Variants in RALGPS2 observed in about 807,000 individuals in gnomAD.
RALGPS2 encodes the protein ras-specific guanine nucleotide-releasing factor RalGPS2.
A neutral mutation model predicts 86.8 loss-of-function variants in RALGPS2; 43 were observed. The observed-to-expected ratio is 0.50, with a 90% CI of 0.39 to 0.64. The LOEUF (loss-of-function observed/expected upper bound fraction) is 0.64, where lower values mean the gene tolerates loss of function less well. Ranked by LOEUF, RALGPS2 falls within the 30% of genes least tolerant of loss-of-function variation. RALGPS2 has a pLI of 0.00. For synonymous variants in RALGPS2, 243 were observed against 231.3 expected (o/e 1.05, Z -0.46); for missense variants, 536 against 694.6 (o/e 0.77, Z 2.57).
chr1:178,839,219 C>CA (rs1414998059), intron 8 of RALGPS2, among the ~76,000 whole-genome samples: 1 of 152,064 alleles, frequency 6.6e-6, no homozygotes, highest in East Asian at 1.9e-4. Flanking sequence ...GCCAGATTCA[C>CA]CAAAGTTGAA....
intron 8 of RALGPS2, among the ~76,000 whole-genome samples, chr1:178,837,634 T>C (rs955040174): frequency 6.6e-6 from 1 of 152,164 alleles, no homozygotes; most frequent in Non-Finnish European, 1.5e-5. Flanking sequence ...GATTGATGCA[T>C]TTCCAACTGA....
chr1:178,865,796 A>G, intron 8 of RALGPS2: 1 of 1,534,830 alleles, frequency 6.5e-7, no homozygotes, highest in Non-Finnish European at 8.7e-7. Flanking sequence ...AGGTTGTAAA[A>G]TGATGTCTTT....
chr1:178,743,219 TAAAG>T (rs1274653334), intron 1 of RALGPS2, among the ~76,000 whole-genome samples: 1 of 151,716 alleles, frequency 6.6e-6, no homozygotes, highest in Non-Finnish European at 1.5e-5. Context: ...ACAGAATAAA[TAAAG>T]AAAAAAGAAT....
intron 8 of RALGPS2, among the ~76,000 whole-genome samples, chr1:178,840,815 G>A (rs1487700764): frequency 1.3e-5 from 2 of 152,104 alleles, no homozygotes; most frequent in Non-Finnish European, 2.9e-5. Context: ...TGATAAAGGG[G>A]ATATCACTAC....
intron 16 of RALGPS2, among the ~76,000 whole-genome samples, chr1:178,897,411 G>A (rs944994881): frequency 2.0e-5 from 3 of 152,082 alleles, no homozygotes; most frequent in African/African-American, 4.8e-5. Flanking sequence ...AGTTGAGTTT[G>A]CCTTTAGATA....
At chr1:178,796,312 A>G (rs1000823648) in intron 4 of RALGPS2, among the ~76,000 whole-genome samples, 1 of 152,290 alleles carries the variant, frequency 6.6e-6, no homozygotes, top group East Asian at 1.9e-4. Flanking sequence ...CCTAGGAGTT[A>G]GTTTTAAAGT....
At chr1:178,886,446 ATAGT>A (rs1659488206) in intron 13 of RALGPS2, among the ~76,000 whole-genome samples, 1 of 152,196 alleles carries the variant, frequency 6.6e-6, no homozygotes, top group South Asian at 2.1e-4. Flanking sequence ...AACAAGTATA[ATAGT>A]TAGATGATGA....
intron 4 of RALGPS2, among the ~76,000 whole-genome samples, chr1:178,789,777 G>A (rs1041876957): frequency 2.0e-5 from 3 of 152,142 alleles, no homozygotes; most frequent in African/African-American, 7.2e-5. Flanking sequence ...AGCTACATGA[G>A]GGCAGAGACT....
intron 7 of RALGPS2, among the ~76,000 whole-genome samples, chr1:178,823,046 G>A (rs770942480): frequency 2.6e-5 from 4 of 152,052 alleles, no homozygotes; most frequent in South Asian, 2.1e-4. Flanking sequence ...GTTTTCGAAC[G>A]CCTGATCTCA....
At chr1:178,745,812 T>C (rs956010259) in intron 1 of RALGPS2, among the ~76,000 whole-genome samples, 1 of 149,606 alleles carries the variant, frequency 6.7e-6, no homozygotes, top group Non-Finnish European at 1.5e-5. Flanking sequence ...CAAAAGAGAA[T>C]TCAATTCTTC....
At chr1:178,847,198 C>T (rs754558904) in intron 8 of RALGPS2, among the ~76,000 whole-genome samples, 1 of 152,238 alleles carries the variant, frequency 6.6e-6, no homozygotes, top group Non-Finnish European at 1.5e-5. Context: ...GTAATCCCAG[C>T]ACTTTGGGAG....
intron 5 of RALGPS2, among the ~76,000 whole-genome samples, chr1:178,809,225 A>G (rs1654870999): frequency 2.0e-5 from 3 of 151,856 alleles, no homozygotes; most frequent in African/African-American, 7.2e-5. Flanking sequence ...ATGCACTTGT[A>G]TGTTGTCTCC....
chr1:178,871,591 G>A (rs1658763272), intron 8 of RALGPS2, among the ~76,000 whole-genome samples: 1 of 152,190 alleles, frequency 6.6e-6, no homozygotes, highest in Non-Finnish European at 1.5e-5. Flanking sequence ...ATGTCTTACT[G>A]TGTAATGTGT....
intron 1 of RALGPS2, among the ~76,000 whole-genome samples, chr1:178,765,579 A>C (rs1558108847): frequency 6.6e-6 from 1 of 152,196 alleles, no homozygotes; most frequent in Non-Finnish European, 1.5e-5. Flanking sequence ...TGTCATTGAT[A>C]ACATTTTATC....
chr1:178,737,846 C>T (rs1031138811), intron 1 of RALGPS2, among the ~76,000 whole-genome samples: 6 of 152,068 alleles, frequency 3.9e-5, no homozygotes, highest in Non-Finnish European at 7.4e-5. Flanking sequence ...GGCATGATCA[C>T]AGCTCACTGC....
At chr1:178,824,816 A>T (rs1287020821) in intron 7 of RALGPS2, among the ~76,000 whole-genome samples, 1 of 126,268 alleles carries the variant, frequency 7.9e-6, no homozygotes, top group Non-Finnish European at 1.7e-5. Flanking sequence ...CTCAAAAAAA[A>T]AGAAAAAAAA....
chr1:178,772,772 A>C (rs1652867750), intron 1 of RALGPS2, among the ~76,000 whole-genome samples: 1 of 152,226 alleles, frequency 6.6e-6, no homozygotes, highest in Admixed American at 6.5e-5. Flanking sequence ...AGGCAAAACA[A>C]TTTTAACTTA....
chr1:178,737,391 G>A (rs555075766), intron 1 of RALGPS2, among the ~76,000 whole-genome samples: 159 of 152,148 alleles, frequency 1.0e-3, no homozygotes, highest in African/African-American at 2.7e-3. Flanking sequence ...GATTACAGGC[G>A]CCTGCCACCA....
intron 14 of RALGPS2, 71 bp from the exon 15 acceptor site, chr1:178,892,159 T>C: frequency 7.7e-7 from 1 of 1,302,890 alleles, no homozygotes; most frequent in Middle Eastern, 1.9e-4. Flanking sequence ...ATTATACTGT[T>C]CTAGGTATTG....
Sources: allele counts gnomAD v4.1 joint callset (sites outside exome capture counted in the v4.1 genomes callset), GRCh38; gene constraint gnomAD v4.1.1; transcripts MANE v1.5; gene names NCBI Gene and HGNC (gene_info 2026-07-23, HGNC 2026-07-21).